The following ZNF658 variants were observed in gnomAD, a reference collection of about 807,000 sequenced individuals.
ZNF658 encodes zinc finger protein 658.
ZNF658 carries 46 observed loss-of-function variants against 78.0 expected under a neutral mutation model. The ratio of observed to expected loss-of-function variants is 0.59; its 90% CI spans 0.47 to 0.75. The LOEUF (loss-of-function observed/expected upper bound fraction) is 0.75. Ranked by LOEUF, ZNF658 falls within the 30% of genes least tolerant of loss-of-function variation. The pLI is 0.00. For synonymous variants in ZNF658, 279 were observed against 408.4 expected (o/e 0.68, Z 3.82); for missense variants, 785 against 1,189.3 (o/e 0.66, Z 5.00).
Position 66,919,638 on chromosome 9 carries a change from G to A in ZNF658, c.2072G>A (p.Cys691Tyr). ...TGRKPYECSD[C>Y]EKTFAHNSAL... ...AGAAAACCCTATGAATGTAGTGACT[G>A]TGAGAAAACTTTTGCCCATAATTCA... is the stretch of plus-strand genomic sequence containing the variant. The change falls in exon 5 of 5, where the codon TGT becomes TAT. Residue 691 changes from cysteine to tyrosine, a missense_variant. Transcript: ENST00000621410. 1 of 1,610,984 alleles carries A rather than the reference G, an allele frequency of 6.2e-7. No individual in the cohort carries two copies. Among genetic ancestry groups the A allele is most frequent in the Non-Finnish European group, 8.5e-7 (1 of 1,179,530 alleles).
intron 4 of ZNF658, among the ~76,000 whole-genome samples, chr9:66,915,378 G>T (rs957664510): frequency 1.4e-5 from 2 of 146,436 alleles, no homozygotes; most frequent in Admixed American, 6.9e-5. Flanking sequence ...TCCAAATAAA[G>T]TTAGTTTGCT....
chr9:66,915,731 G>C (rs2118050235), intron 4 of ZNF658, among the ~76,000 whole-genome samples: 1 of 149,002 alleles, frequency 6.7e-6, no homozygotes, highest in Non-Finnish European at 1.5e-5. Flanking sequence ...TTGGTAATTT[G>C]TGTCTTCTCT....
intron 2 of ZNF658, among the ~76,000 whole-genome samples, chr9:66,903,992 G>A (rs1425650837): frequency 6.6e-6 from 1 of 152,106 alleles, no homozygotes; most frequent in Non-Finnish European, 1.5e-5. Context: ...AGTAGAAATT[G>A]TAATGCTAAA....
At chr9:66,915,287 TTA>T (rs1822309414) in intron 4 of ZNF658, among the ~76,000 whole-genome samples, 1 of 152,144 alleles carries the variant, frequency 6.6e-6, no homozygotes, top group African/African-American at 2.4e-5. Flanking sequence ...TATTCTGCCA[TTA>T]TGTTTTAACA....
intron 6 of ZNF658, among the ~76,000 whole-genome samples, chr9:66,928,623 C>T (rs531526286): frequency 0.01 from 1,561 of 151,126 alleles, 19 homozygotes; most frequent in African/African-American, 0.036. Context: ...GAGGCCAACG[C>T]GGACAGATCA....
intron 4 of ZNF658, among the ~76,000 whole-genome samples, chr9:66,911,761 C>A (rs941731638): frequency 1.2e-5 from 1 of 85,034 alleles, no homozygotes; most frequent in Admixed American, 1.3e-4. Flanking sequence ...TGCTGCTCTA[C>A]CAGATATTGA....
rs1053476530 is a variant in ZNF658, at chr9:66,921,270, G to T, written c.*524G>T. On this transcript the variant is annotated 3_prime_UTR_variant, in exon 5 of 5. Transcript: ENST00000621410. Reference sequence around the variant, plus strand: ...TTTTAGAAAAACTAATCAGTTTATTGTGCATCAGAGACGTCACATGAAGAA... The same window carrying T: ...TTTTAGAAAAACTAATCAGTTTATTTTGCATCAGAGACGTCACATGAAGAA... The T allele has an allele frequency of 1.5e-4, 23 of 155,492 alleles. No homozygotes were observed. Among genetic ancestry groups the T allele is most frequent in the Admixed American group, 1.9e-4 (3 of 16,096 alleles). The allele number at this position is 155,492 out of a possible 1,614,324, so 9.6% of individuals were successfully genotyped here.
chr9:66,906,057 A>G (rs1038241566), intron 2 of ZNF658, among the ~76,000 whole-genome samples: 2 of 134,552 alleles, frequency 1.5e-5, no homozygotes, highest in African/African-American at 6.1e-5. Flanking sequence ...TGACTTTTTA[A>G]TTGATTCAGT....
At chr9:66,905,569 C>A (rs1479192123) in intron 2 of ZNF658, among the ~76,000 whole-genome samples, 5 of 149,944 alleles carry the variant, frequency 3.3e-5, no homozygotes, top group Non-Finnish European at 5.9e-5. Context: ...CTGTTCATTT[C>A]TTGTTATTTT....
Position 66,917,907 on chromosome 9 carries a change from A to G in ZNF658, c.341A>G (p.Glu114Gly), listed in dbSNP as rs139502947. The change falls in exon 5 of 5, where the codon GAA (glutamate) becomes GGA (glycine). Residue 114 changes from glutamate (E) to glycine (G), a missense_variant. Physicochemically the swap from Glu to Gly is moderately conservative, Grantham distance 98. Coordinates refer to ENST00000621410, the MANE Select transcript of ZNF658 (RefSeq NM_033160.7). ...ISDADKTLSK[E>G]GQKVLEKPFN... ...GATGCTGACAAAACATTGAGTAAAG[A>G]AGGACAGAAAGTTTTAGAAAAACCA... The G allele has an allele frequency of 5.3e-3, 8,608 of 1,609,658 alleles. 53 individuals are homozygous for G. The highest frequency in any genetic ancestry group is 6.6e-3 in the Non-Finnish European group (7,745 of 1,179,318).
In ZNF658 at chr9:66,916,312, TGG is replaced by T. The variant is rs1822334624; in HGVS notation, c.239-1491_239-1490del. 3.3e-5 allele frequency among the ~76,000 whole-genome samples: 5 copies of T among 152,314 alleles called. No individual in the cohort carries two copies. In the South Asian group the frequency reaches 1.0e-3, roughly 32 times the overall value. On this transcript the variant is annotated intron_variant, in intron 4 of 4. Transcript: ENST00000621410. ...TCTCATTTGAGAATTCTTTCACCCA[TGG>T]GTTAATTAGGAATGTGTAACTTACA...
At chr9:66,930,667 A>G (rs1469281851) in intron 6 of ZNF658, among the ~76,000 whole-genome samples, 1 of 151,500 alleles carries the variant, frequency 6.6e-6, no homozygotes, top group African/African-American at 2.4e-5. Flanking sequence ...ACAGAGCAAG[A>G]CTCCGTCTCA....
chr9:66,908,756 G>C (rs1587358150), intron 4 of ZNF658, 22 bp downstream of exon 4: 1 of 1,609,734 alleles, frequency 6.2e-7, no homozygotes, highest in Non-Finnish European at 8.5e-7. Context: ...TTAACAGAAG[G>C]AGCCCCCTGG....
chr9:66,918,277 A>G lies in ZNF658; in HGVS notation c.711A>G (p.Leu237=), dbSNP rs1413379087. 16 of 1,613,428 alleles carry G rather than the reference A, an allele frequency of 9.9e-6. 1 individual carries two copies. The highest frequency in any genetic ancestry group is 1.3e-5 in the Non-Finnish European group (15 of 1,179,700). The change falls in exon 5 of 5, where the codon CTA becomes CTG. Residue 237 remains leucine (L), a synonymous_variant. Transcript: ENST00000621410. ...TTTGTATTACACCTCAGAGTTTTCTAACAGGAGAAAAGTCCTGTAAGGATG... is the reference window on the plus strand; with the variant it reads ...TTTGTATTACACCTCAGAGTTTTCTGACAGGAGAAAAGTCCTGTAAGGATG... ...KTICITPQSF[L]TGEKSCKDDE...
At chr9:66,914,345 T>C (rs1587362661) in intron 4 of ZNF658, among the ~76,000 whole-genome samples, 1 of 151,958 alleles carries the variant, frequency 6.6e-6, no homozygotes, top group African/African-American at 2.4e-5. Context: ...GATTTGTATA[T>C]TGGCCTTAGA....
chr9:66,910,569 G>A (rs1056408867), intron 4 of ZNF658, among the ~76,000 whole-genome samples: 2 of 151,944 alleles, frequency 1.3e-5, no homozygotes, highest in Non-Finnish European at 2.9e-5. Flanking sequence ...AGCACTTTGG[G>A]AGGCCAAGGC....
At chr9:66,929,552 A>G (rs1317974840) in intron 6 of ZNF658, among the ~76,000 whole-genome samples, 4 of 151,992 alleles carry the variant, frequency 2.6e-5, no homozygotes, top group African/African-American at 9.7e-5. Context: ...TCCAGGATGC[A>G]GGTTCTTTAA....
rs1463303782 is a variant in ZNF658 at position 66,900,836 on chromosome 9, G to A, written c.-45G>A. 1 of 152,228 alleles carries A rather than the reference G, an allele frequency of 6.6e-6. No individual in the cohort carries two copies. Among genetic ancestry groups the A allele is most frequent in the Admixed American group, 6.5e-5 (1 of 15,286 alleles). 9.4% of individuals were successfully genotyped at this position (152,228 alleles called of 1,614,324 possible). A position where few individuals can be genotyped will look rare whatever the true frequency, so the allele number is the denominator to read the frequency against. ...GCGGGAGCCGAGGCTGCGCACCTGG[G>A]GTGAGAGCGTCGGTGACAGGGCTCC... On this transcript the variant is annotated splice_region_variant and 5_prime_UTR_variant, in exon 1 of 5. Transcript: ENST00000621410.
In ZNF658 at chr9:66,921,007, G is replaced by A. The variant is rs535741541; in HGVS notation, c.*261G>A. 3.8e-6 allele frequency: 2 copies of A among 528,852 alleles called. No individual in the cohort carries two copies. Among genetic ancestry groups the A allele is most frequent in the East Asian group, 6.4e-5 (2 of 31,312 alleles). The allele number at this position is 528,852 out of a possible 1,614,324, so 32.8% of individuals were successfully genotyped here. ...TAAGATGGATTTGGAGGTTATTTCTGCAGCAAACTTGGGTCCTGTGTGTTC... is the reference window on the plus strand; with the variant it reads ...TAAGATGGATTTGGAGGTTATTTCTACAGCAAACTTGGGTCCTGTGTGTTC... On this transcript the variant is annotated 3_prime_UTR_variant, in exon 5 of 5. Transcript: ENST00000621410.
Sources: gnomAD v4.1 joint callset for allele counts (sites outside exome capture counted in the v4.1 genomes callset) on GRCh38, gnomAD v4.1.1 for gene constraint, MANE v1.5 for transcripts, NCBI Gene and HGNC (gene_info 2026-07-23, HGNC 2026-07-21) for gene names.